Variants in CRIM1 observed in about 807,000 individuals in gnomAD.
The protein encoded by CRIM1 is cysteine-rich motor neuron 1 protein.
A neutral mutation model predicts 116.4 loss-of-function variants in CRIM1; 32 were observed. That is an observed-to-expected ratio of 0.27 (90% CI 0.21 to 0.37). The LOEUF (loss-of-function observed/expected upper bound fraction) is 0.37, where lower values mean the gene tolerates loss of function less well. Among genes scored for constraint, CRIM1 ranks in the 10% least tolerant of loss-of-function variants. The pLI is 1.00. For missense variants in CRIM1, 1,331 were observed against 1,354.8 expected, an observed-to-expected ratio of 0.98 and a Z score of 0.28; for synonymous variants, 590 against 509.2, an observed-to-expected ratio of 1.16 and a Z score of -2.13.
At chr2:36,517,222 T>C (rs1665088287) in intron 11 of CRIM1, 105 bp from the exon 12 acceptor site, 2 of 825,406 alleles carry the variant, frequency 2.4e-6, no homozygotes, top group Non-Finnish European at 4.1e-6. Context: ...CGAGATGCTC[T>C]TCACAGTTCA....
At chr2:36,521,402 G>C (rs1665380760) in intron 12 of CRIM1, among the ~76,000 whole-genome samples, 1 of 152,146 alleles carries the variant, frequency 6.6e-6, no homozygotes, top group Non-Finnish European at 1.5e-5. Context: ...ATGAGAATTT[G>C]TCTGAATATT....
At chr2:36,358,349 G>A (rs961889514) in intron 1 of CRIM1, among the ~76,000 whole-genome samples, 1 of 152,198 alleles carries the variant, frequency 6.6e-6, no homozygotes, top group Non-Finnish European at 1.5e-5. Flanking sequence ...CCGGCCTCTC[G>A]TAAATCTGAA....
intron 1 of CRIM1, among the ~76,000 whole-genome samples, chr2:36,393,208 A>G (rs1671753620): frequency 6.6e-6 from 1 of 152,182 alleles, no homozygotes; most frequent in African/African-American, 2.4e-5. Context: ...GGAAGAGAGT[A>G]ATGATAGATG....
At chr2:36,402,405 G>A (rs1189306521) in intron 2 of CRIM1, among the ~76,000 whole-genome samples, 1 of 141,608 alleles carries the variant, frequency 7.1e-6, no homozygotes, top group Non-Finnish European at 1.5e-5. Flanking sequence ...AGCTTGGTGT[G>A]TTGAAGGACT....
chr2:36,518,934 A>T (rs1197066445), intron 12 of CRIM1, among the ~76,000 whole-genome samples: 2 of 152,222 alleles, frequency 1.3e-5, no homozygotes, highest in African/African-American at 4.8e-5. Flanking sequence ...GTTAATGAAA[A>T]CAGACATGAT....
chr2:36,540,069 G>A (rs1278994293), intron 14 of CRIM1, among the ~76,000 whole-genome samples: 1 of 151,976 alleles, frequency 6.6e-6, no homozygotes, highest in Non-Finnish European at 1.5e-5. Context: ...TAGAGAAGGA[G>A]CACCAGGAAT....
At chr2:36,407,001 A>G (rs1330647724) in intron 2 of CRIM1, among the ~76,000 whole-genome samples, 2 of 152,080 alleles carry the variant, frequency 1.3e-5, no homozygotes, top group African/African-American at 4.8e-5. Context: ...CCTTCCCTTG[A>G]CCAAAGGAAA....
At chr2:36,505,100 C>T (rs1332446864) in intron 8 of CRIM1, among the ~76,000 whole-genome samples, 1 of 152,182 alleles carries the variant, frequency 6.6e-6, no homozygotes, top group African/African-American at 2.4e-5. Flanking sequence ...TTTTATTTCA[C>T]TGTAATTCTA....
At chr2:36,418,060 G>C (rs768160049) in intron 2 of CRIM1, among the ~76,000 whole-genome samples, 1 of 152,198 alleles carries the variant, frequency 6.6e-6, no homozygotes, top group Non-Finnish European at 1.5e-5. Context: ...ACCTAAATGA[G>C]CACTGACTAT....
intron 2 of CRIM1, among the ~76,000 whole-genome samples, chr2:36,431,112 C>G (rs1365705821): frequency 1.3e-5 from 2 of 152,096 alleles, no homozygotes; most frequent in African/African-American, 4.8e-5. Context: ...GTTTCAGAAT[C>G]AACTTTACCT....
chr2:36,507,876 A>G (rs1056713270), intron 8 of CRIM1, among the ~76,000 whole-genome samples: 8 of 152,218 alleles, frequency 5.3e-5, no homozygotes, highest in Non-Finnish European at 8.8e-5. Context: ...TCAGGCTCCA[A>G]AATTGCAGGG....
chr2:36,396,610 A>G lies in CRIM1; in HGVS notation c.332-4A>G. 3 of 1,546,338 alleles carry G rather than the reference A, an allele frequency of 1.9e-6. No homozygotes were observed. The highest frequency in any genetic ancestry group is 2.5e-5 in the South Asian group (2 of 80,390). ...ACATTATCTGGTTGTTAATTGTTTTACAGATGAGAACTGGACTGATGACCA... is the reference window on the plus strand; with the variant it reads ...ACATTATCTGGTTGTTAATTGTTTTGCAGATGAGAACTGGACTGATGACCA... On this transcript the variant is annotated splice_polypyrimidine_tract_variant and splice_region_variant and intron_variant, in intron 1 of 16. Transcript: ENST00000280527.
chr2:36,438,165 C>A (rs1373183397), intron 2 of CRIM1, among the ~76,000 whole-genome samples: 1 of 151,338 alleles, frequency 6.6e-6, no homozygotes, highest in African/African-American at 2.4e-5. Flanking sequence ...GTGGGATAAC[C>A]AGTAAGATCT....
At chr2:36,537,270 C>T (rs1180744073) in intron 13 of CRIM1, 82 bp from the exon 14 acceptor site, 1 of 1,281,748 alleles carries the variant, frequency 7.8e-7, no homozygotes, top group African/African-American at 1.5e-5. Flanking sequence ...TTATACAAAG[C>T]TATCCCTTGA....
intron 13 of CRIM1, among the ~76,000 whole-genome samples, chr2:36,526,314 T>G (rs1202299876): frequency 2.0e-5 from 3 of 152,198 alleles, no homozygotes; most frequent in African/African-American, 7.2e-5. Context: ...CAGGTGGAGA[T>G]AAAAGGTCTG....
At chr2:36,389,180 C>T (rs549455594) in intron 1 of CRIM1, among the ~76,000 whole-genome samples, 1 of 152,366 alleles carries the variant, frequency 6.6e-6, no homozygotes, top group Non-Finnish European at 1.5e-5. Flanking sequence ...ATTTGCCCTT[C>T]CTGCTTTGCA....
intron 1 of CRIM1, chr2:36,378,317 GTCC>G (rs563804884): frequency 4.2e-6 from 2 of 471,114 alleles, no homozygotes; most frequent in African/African-American, 2.0e-5. Context: ...GTTCATGATT[GTCC>G]TCCTAGGCAG....
chr2:36,479,348 G>A (rs1679226896), intron 6 of CRIM1, 149 bp from the exon 7 acceptor site: 1 of 694,626 alleles, frequency 1.4e-6, no homozygotes, highest in African/African-American at 1.8e-5. Context: ...CACCCCCAGA[G>A]ACTCCTCATG....
Position 36,427,476 on chromosome 2 carries a change from T to C in CRIM1, c.506-13782T>C, listed in dbSNP as rs543421554. ...GAAGCCATGGCAGCATGAGAGGGTCTTGTAGACAGAAAGCTTTCAGAGGTG... is the reference window on the plus strand; with the variant it reads ...GAAGCCATGGCAGCATGAGAGGGTCCTGTAGACAGAAAGCTTTCAGAGGTG... On this transcript the variant is annotated intron_variant, in intron 2 of 16. Coordinates refer to ENST00000280527, the MANE Select transcript of CRIM1 (RefSeq NM_016441.3). Among the ~76,000 whole-genome samples, 58 of 152,264 alleles carry C rather than the reference T, an allele frequency of 3.8e-4. 1 individual carries two copies. Among genetic ancestry groups the C allele is most frequent in the Admixed American group, 3.7e-3 (56 of 15,298 alleles).
Sources: allele counts gnomAD v4.1 joint callset (sites outside exome capture counted in the v4.1 genomes callset), GRCh38; gene constraint gnomAD v4.1.1; transcripts MANE v1.5; gene names NCBI Gene and HGNC (gene_info 2026-07-23, HGNC 2026-07-21).